The following ITFG1 variants were observed in gnomAD, a reference collection of about 807,000 sequenced individuals.
The protein encoded by ITFG1 is integrin alpha FG-GAP repeat containing 1, also known as T-cell immunomodulatory protein.
A neutral mutation model predicts 81.8 loss-of-function variants in ITFG1; 34 were observed. The ratio of observed to expected loss-of-function variants is 0.42; its 90% CI spans 0.32 to 0.55. The LOEUF is 0.55. ITFG1 is among the 20% of genes least tolerant of loss of function. ITFG1 has a pLI of 0.17. For missense variants in ITFG1, 672 were observed against 755.4 expected (o/e 0.89, Z 1.29); for synonymous variants, 285 against 270.6 (o/e 1.05, Z -0.52).
At chr16:47,349,274 TAA>T (rs1967911943) in intron 8 of ITFG1, among the ~76,000 whole-genome samples, 2 of 152,090 alleles carry the variant, frequency 1.3e-5, no homozygotes, top group Non-Finnish European at 2.9e-5. Flanking sequence ...GCAAATTGGA[TAA>T]AGAGTCAGAC....
intron 8 of ITFG1, among the ~76,000 whole-genome samples, chr16:47,324,622 A>G (rs1400390570): frequency 6.6e-6 from 1 of 152,242 alleles, no homozygotes; most frequent in Admixed American, 6.5e-5. Flanking sequence ...CATAGGCTCA[A>G]AATAAAGGGA....
intron 8 of ITFG1, among the ~76,000 whole-genome samples, chr16:47,337,770 C>T (rs1027270518): frequency 1.3e-5 from 2 of 152,252 alleles, no homozygotes; most frequent in East Asian, 1.9e-4. Context: ...GGTATGGTGG[C>T]GTTCAGAAAA....
chr16:47,292,179 A>G (rs1966915352), intron 10 of ITFG1, among the ~76,000 whole-genome samples: 1 of 151,960 alleles, frequency 6.6e-6, no homozygotes, highest in Admixed American at 6.6e-5. Context: ...ACACCCAGCT[A>G]AGTTTTGTAT....
intron 2 of ITFG1, among the ~76,000 whole-genome samples, chr16:47,457,263 AT>A (rs1252357875): frequency 6.6e-6 from 1 of 151,804 alleles, no homozygotes. Flanking sequence ...GTGAGCTGAG[AT>A]GATGCCAAGG....
rs930096569 is a variant in ITFG1, at chr16:47,446,214, C to A, written c.560+5182G>T. 3.3e-5 allele frequency among the ~76,000 whole-genome samples: 5 copies of A among 152,136 alleles called. 1 individual carries two copies. Among genetic ancestry groups the A allele is most frequent in the African/African-American group, 1.2e-4 (5 of 41,436 alleles). The stretch of plus-strand genomic sequence containing the variant: ...AAGGGACAGATAAGCTGTACAATTC[C>A]GTGGTGTGCCTCCCCAGCAAGATAC... On this transcript the variant is annotated intron_variant, in intron 5 of 17. Transcript: ENST00000320640.
Position 47,446,076 on chromosome 16 carries a change from C to T in ITFG1, c.560+5320G>A, listed in dbSNP as rs78084919. ...TAAGAAAGAAAAAAAAAAGAGGCAA[C>T]TGATGTTAAGTGCCAACCCCAGACT... On this transcript the variant is annotated intron_variant, in intron 5 of 17. Coordinates refer to ENST00000320640, the MANE Select transcript of ITFG1 (RefSeq NM_030790.5). Among the ~76,000 whole-genome samples, 347 of 152,276 alleles carry T rather than the reference C, an allele frequency of 2.3e-3. 1 individual carries two copies. Among genetic ancestry groups the T allele is most frequent in the Non-Finnish European group, 4.3e-3 (292 of 68,010 alleles).
chr16:47,423,314 G>C (rs113003116), intron 6 of ITFG1, among the ~76,000 whole-genome samples: 9,993 of 104,456 alleles, frequency 0.096, 547 homozygotes, highest in African/African-American at 0.21. Context: ...CCTTTATTTT[G>C]AGCCTATGTG....
intron 6 of ITFG1, among the ~76,000 whole-genome samples, chr16:47,390,744 G>A (rs984538297): frequency 5.9e-5 from 9 of 152,170 alleles, no homozygotes; most frequent in African/African-American, 2.2e-4. Flanking sequence ...ACAGGAGTGA[G>A]TGACCGTGCC....
intron 6 of ITFG1, among the ~76,000 whole-genome samples, chr16:47,406,094 C>T (rs1968725429): frequency 6.6e-6 from 1 of 152,166 alleles, no homozygotes; most frequent in Non-Finnish European, 1.5e-5. Context: ...TCAGAAACAA[C>T]TGCAGTTTTT....
chr16:47,434,157 T>C (rs1271184364), intron 5 of ITFG1, among the ~76,000 whole-genome samples: 2 of 151,408 alleles, frequency 1.3e-5, no homozygotes, highest in African/African-American at 2.4e-5. Flanking sequence ...AGGCAAATAT[T>C]TCATGATGAA....
upstream of ITFG1, chr16:47,461,148 G>A: frequency 1.7e-6 from 2 of 1,181,376 alleles, no homozygotes; most frequent in Non-Finnish European, 2.3e-6. Flanking sequence ...CCCGGGACGC[G>A]TAAGAGCCGC....
chr16:47,435,304 C>T (rs1045407536), intron 5 of ITFG1, among the ~76,000 whole-genome samples: 1 of 151,994 alleles, frequency 6.6e-6, no homozygotes, highest in African/African-American at 2.4e-5. Flanking sequence ...ATATATGTGC[C>T]CAACTCCATT....
intron 8 of ITFG1, among the ~76,000 whole-genome samples, chr16:47,361,365 C>A (rs1968106892): frequency 6.6e-6 from 1 of 152,072 alleles, no homozygotes; most frequent in South Asian, 2.1e-4. Flanking sequence ...GTATTACATA[C>A]AAAATTGATA....
At chr16:47,270,196 T>C (rs1363786937) in intron 10 of ITFG1, among the ~76,000 whole-genome samples, 2 of 152,098 alleles carry the variant, frequency 1.3e-5, no homozygotes, top group African/African-American at 4.8e-5. Flanking sequence ...ATAAAAAAAA[T>C]TGAAATATGG....
At chr16:47,156,486 G>C (rs745496202) in intron 17 of ITFG1, among the ~76,000 whole-genome samples, 1 of 152,030 alleles carries the variant, frequency 6.6e-6, no homozygotes, top group Non-Finnish European at 1.5e-5. Context: ...TTGGCCCTTT[G>C]CTTCTAATAC....
chr16:47,274,725 C>A (rs947961234), intron 10 of ITFG1, among the ~76,000 whole-genome samples: 1 of 152,034 alleles, frequency 6.6e-6, no homozygotes, highest in African/African-American at 2.4e-5. Context: ...ACTCTCACTT[C>A]TATATATCCT....
At chr16:47,327,852 T>G (rs954809225) in intron 8 of ITFG1, among the ~76,000 whole-genome samples, 1 of 152,012 alleles carries the variant, frequency 6.6e-6, no homozygotes, top group East Asian at 1.9e-4. Context: ...TGTGGAGAAA[T>G]AGGAACACTT....
At chr16:47,199,824 C>G (rs1258255465) in intron 14 of ITFG1, among the ~76,000 whole-genome samples, 2 of 152,118 alleles carry the variant, frequency 1.3e-5, no homozygotes, top group Non-Finnish European at 2.9e-5. Flanking sequence ...GCTTGTTTTC[C>G]TACAACTAGG....
At position 47,223,324 on chromosome 16, in the gene ITFG1, G is replaced by A. The variant is rs558319998; in HGVS notation, c.1375-4378C>T. Among the ~76,000 whole-genome samples the A allele has an allele frequency of 5.3e-5, 8 of 152,154 alleles. No individual in the cohort carries two copies. In the East Asian group the frequency reaches 1.4e-3, roughly 26 times the overall value. On this transcript the variant is annotated intron_variant, in intron 13 of 17. Transcript: ENST00000320640. ...ACCTACAAAATGGGAGTAAATCTTC[G>A]CAACCTACTCATCTGACAAAGGGCT...
Sources: allele counts gnomAD v4.1 joint callset (sites outside exome capture counted in the v4.1 genomes callset), GRCh38; gene constraint gnomAD v4.1.1; transcripts MANE v1.5; gene names NCBI Gene and HGNC (gene_info 2026-07-23, HGNC 2026-07-21).